The following SPOCK3 variants were observed in gnomAD, a reference collection of about 807,000 sequenced individuals.
SPOCK3 encodes testican-3.
A neutral mutation model predicts 56.6 loss-of-function variants in SPOCK3; 30 were observed. That is an observed-to-expected ratio of 0.53 (90% confidence interval 0.40 to 0.72). The LOEUF (loss-of-function observed/expected upper bound fraction) is 0.72, where lower values mean the gene tolerates loss of function less well. SPOCK3 is among the 30% of genes least tolerant of loss of function. The pLI is 0.00. For synonymous variants in SPOCK3, 196 were observed against 183.3 expected (o/e 1.07, Z -0.56); for missense variants, 527 against 530.0 (o/e 0.99, Z 0.06).
At chr4:166,993,759 C>A (rs1254069529) in intron 4 of SPOCK3, among the ~76,000 whole-genome samples, 1 of 152,260 alleles carries the variant, frequency 6.6e-6, no homozygotes, top group Non-Finnish European at 1.5e-5. Flanking sequence ...GCACTTCTAA[C>A]GTGCTATGGG....
intron 2 of SPOCK3, among the ~76,000 whole-genome samples, chr4:167,068,626 C>T (rs1010230396): frequency 1.3e-5 from 2 of 151,694 alleles, no homozygotes; most frequent in Non-Finnish European, 2.9e-5. Flanking sequence ...TGACCCCTGA[C>T]CCTTGACTTC....
chr4:166,792,616 G>A (rs1741477591), intron 6 of SPOCK3, among the ~76,000 whole-genome samples: 1 of 151,950 alleles, frequency 6.6e-6, no homozygotes, highest in African/African-American at 2.4e-5. Context: ...GGGGTGATAG[G>A]TTATCAGAGA....
intron 2 of SPOCK3, among the ~76,000 whole-genome samples, chr4:167,145,210 A>C (rs183242884): frequency 6.6e-6 from 1 of 152,164 alleles, no homozygotes; most frequent in East Asian, 1.9e-4. Flanking sequence ...CATTTGAATA[A>C]AGTAAAAGAA....
At chr4:166,841,629 T>G (rs181562566) in intron 6 of SPOCK3, among the ~76,000 whole-genome samples, 2 of 150,478 alleles carry the variant, frequency 1.3e-5, no homozygotes, top group African/African-American at 5.0e-5. Flanking sequence ...TTTCTTACTA[T>G]GGAAAATTAT....
intron 2 of SPOCK3, among the ~76,000 whole-genome samples, chr4:167,085,182 A>T (rs2150298394): frequency 6.6e-6 from 1 of 152,132 alleles, no homozygotes; most frequent in South Asian, 2.1e-4. Flanking sequence ...TAGAAAAAAA[A>T]AAAAAACACA....
chr4:166,900,901 A>G (rs1161369429), intron 5 of SPOCK3, among the ~76,000 whole-genome samples: 1 of 152,160 alleles, frequency 6.6e-6, no homozygotes, highest in Non-Finnish European at 1.5e-5. Context: ...CAACTCTGAA[A>G]TAAATAGAGG....
intron 6 of SPOCK3, among the ~76,000 whole-genome samples, chr4:166,800,922 C>T (rs573124680): frequency 5.7e-4 from 87 of 152,212 alleles, no homozygotes; most frequent in African/African-American, 1.9e-3. Context: ...TCATGGTAAA[C>T]GTCCTATATA....
intron 2 of SPOCK3, chr4:167,119,881 C>A: frequency 2.7e-6 from 4 of 1,494,598 alleles, no homozygotes; most frequent in Middle Eastern, 3.4e-4. Context: ...CTTACTAATG[C>A]CCCAAAGGTT....
chr4:167,123,800 A>G (rs1762064672), intron 2 of SPOCK3, among the ~76,000 whole-genome samples: 1 of 144,928 alleles, frequency 6.9e-6, no homozygotes, highest in Non-Finnish European at 1.5e-5. Flanking sequence ...CTGGAGTGCA[A>G]TGGTGCTATC....
At chr4:166,867,637 A>G (rs1731979685) in intron 6 of SPOCK3, among the ~76,000 whole-genome samples, 1 of 151,526 alleles carries the variant, frequency 6.6e-6, no homozygotes, top group African/African-American at 2.4e-5. Context: ...ATTACAGGTA[A>G]ATTATTTAAT....
chr4:166,890,693 GA>G (rs1219289135), intron 5 of SPOCK3, among the ~76,000 whole-genome samples: 1 of 151,946 alleles, frequency 6.6e-6, no homozygotes, highest in Non-Finnish European at 1.5e-5. Context: ...GTCAATTTTA[GA>G]AAAAGTGTGA....
rs956665629 is a variant in SPOCK3, at chr4:167,036,559, G to T, written c.235+25933C>A. On this transcript the variant is annotated intron_variant, in intron 3 of 10. Transcript: ENST00000357545. Reference sequence around the variant, plus strand: ...TTATTTAGTGGCCTCTGAAATAAAAGACTTCTGATAGAGTAGCTCATGCCT... The same window carrying T: ...TTATTTAGTGGCCTCTGAAATAAAATACTTCTGATAGAGTAGCTCATGCCT... Among the ~76,000 whole-genome samples, 3 of 152,140 alleles carry T rather than the reference G, an allele frequency of 2.0e-5. 1 individual carries two copies. The highest frequency in any genetic ancestry group is 4.4e-5 in the Non-Finnish European group (3 of 68,022).
intron 2 of SPOCK3, among the ~76,000 whole-genome samples, chr4:167,121,039 C>T (rs1301510960): frequency 2.0e-5 from 3 of 151,798 alleles, no homozygotes; most frequent in Non-Finnish European, 4.4e-5. Context: ...GATAGTTATT[C>T]TGCAGACCCA....
chr4:166,885,329 T>A (rs895834585), intron 6 of SPOCK3, among the ~76,000 whole-genome samples: 1 of 151,730 alleles, frequency 6.6e-6, no homozygotes, highest in African/African-American at 2.4e-5. Flanking sequence ...AGTAACATAA[T>A]AAATTTCTCT....
At chr4:166,953,620 G>A (rs1439120171) in intron 4 of SPOCK3, among the ~76,000 whole-genome samples, 4 of 152,068 alleles carry the variant, frequency 2.6e-5, no homozygotes, top group Admixed American at 2.0e-4. Flanking sequence ...ATGCTGCTAT[G>A]AAGACACATG....
chr4:167,182,376 T>A (rs1374651675), intron 2 of SPOCK3, among the ~76,000 whole-genome samples: 1 of 147,126 alleles, frequency 6.8e-6, no homozygotes, highest in Non-Finnish European at 1.5e-5. Context: ...ATAAAAGGAT[T>A]CTAGAAGGAA....
At chr4:167,193,385 C>G (rs929695067) in intron 2 of SPOCK3, among the ~76,000 whole-genome samples, 1 of 145,848 alleles carries the variant, frequency 6.9e-6, no homozygotes, top group Admixed American at 7.1e-5. Context: ...ACTTCAATGG[C>G]ATAAAAACCC....
intron 2 of SPOCK3, among the ~76,000 whole-genome samples, chr4:167,221,873 G>A (rs780154754): frequency 1.3e-5 from 2 of 152,056 alleles, no homozygotes; most frequent in African/African-American, 4.8e-5. Flanking sequence ...GTAAAACAGC[G>A]TAACCACCAC....
intron 5 of SPOCK3, among the ~76,000 whole-genome samples, chr4:166,905,475 AC>A (rs1179305816): frequency 6.6e-6 from 1 of 152,044 alleles, no homozygotes. Flanking sequence ...TGTGATGGCT[AC>A]AGAAAACTTA....
Sources: gnomAD v4.1 joint callset for allele counts (sites outside exome capture counted in the v4.1 genomes callset) on GRCh38, gnomAD v4.1.1 for gene constraint, MANE v1.5 for transcripts, NCBI Gene and HGNC (gene_info 2026-07-23, HGNC 2026-07-21) for gene names.